RAB11FIP3: variants seen among roughly 807,000 people sequenced by gnomAD.
The protein encoded by RAB11FIP3 is RAB11 family interacting protein 3, also known as rab11 family-interacting protein 3.
A neutral mutation model predicts 77.8 loss-of-function variants in RAB11FIP3; 17 were observed. The observed-to-expected ratio is 0.22, with a 90% CI of 0.15 to 0.33. RAB11FIP3 has a LOEUF of 0.33. Among genes scored for constraint, RAB11FIP3 ranks in the 10% least tolerant of loss-of-function variants. The pLI, the probability that RAB11FIP3 is intolerant of heterozygous loss-of-function variation, is 1.00. For synonymous variants in RAB11FIP3, 437 were observed against 448.2 expected (o/e 0.98, Z 0.31); for missense variants, 1,005 against 1,011.2 (o/e 0.99, Z 0.08).
intron 1 of RAB11FIP3, among the ~76,000 whole-genome samples, chr16:445,433 T>G (rs2055298783): frequency 6.6e-6 from 1 of 150,538 alleles, no homozygotes; most frequent in African/African-American, 2.5e-5. Flanking sequence ...AGCAAGACTC[T>G]TGTCTCAAAA....
chr16:475,337 T>G (rs780927704), intron 3 of RAB11FIP3, among the ~76,000 whole-genome samples: 24 of 152,256 alleles, frequency 1.6e-4, no homozygotes, highest in Admixed American at 6.5e-5. Flanking sequence ...GAGTTCATCT[T>G]AACATTGGTA....
chr16:506,854 G>C lies in RAB11FIP3; in HGVS notation c.1499+1227G>C, dbSNP rs1478961856. 6.6e-6 allele frequency among the ~76,000 whole-genome samples: 1 copy of C among 152,236 alleles called. No homozygotes were observed. The highest frequency in any genetic ancestry group is 1.5e-5 in the Non-Finnish European group (1 of 68,046). ...CTGCTGCAGAGTGGAGAGGGGCCAG[G>C]CATGCTGGTGAAGGGGCTGGACTCC... On this transcript the variant is annotated intron_variant, in intron 8 of 13. Coordinates refer to ENST00000262305, the MANE Select transcript of RAB11FIP3 (RefSeq NM_014700.4). The surrounding 1 kb of genome is among the most constrained non-coding windows in gnomAD (Gnocchi z 4.5).
At chr16:477,579 G>A (rs1231351247) in intron 3 of RAB11FIP3, 5 of 981,320 alleles carry the variant, frequency 5.1e-6, no homozygotes, top group Non-Finnish European at 6.1e-6. Flanking sequence ...GCGTCCCGCA[G>A]GCCCAGCACA....
intron 4 of RAB11FIP3, among the ~76,000 whole-genome samples, chr16:486,320 C>T (rs942162594): frequency 1.7e-4 from 26 of 152,200 alleles, no homozygotes; most frequent in African/African-American, 6.0e-4. Flanking sequence ...GGTAAAACCC[C>T]GTCTCTACTA....
At chr16:493,725 G>C (rs907575402) in intron 5 of RAB11FIP3, among the ~76,000 whole-genome samples, 2 of 150,800 alleles carry the variant, frequency 1.3e-5, no homozygotes, top group Non-Finnish European at 2.9e-5. Context: ...TCCTGCCTCA[G>C]CCTCCCGAGT....
At chr16:462,285 G>A (rs1175693269) in intron 2 of RAB11FIP3, among the ~76,000 whole-genome samples, 1 of 152,098 alleles carries the variant, frequency 6.6e-6, no homozygotes, top group Non-Finnish European at 1.5e-5. Flanking sequence ...GCAATGGCCC[G>A]ATCTCGGCTT....
chr16:502,252 G>A lies in RAB11FIP3; in HGVS notation c.1302-752G>A, dbSNP rs114651395. On this transcript the variant is annotated intron_variant, in intron 6 of 13. Transcript: ENST00000262305. ...GTGACCACAAGCACGCGCTTACTGCGCGCCTAAGTTCACACTCCCTGGAGA... is the reference window on the plus strand; with the variant it reads ...GTGACCACAAGCACGCGCTTACTGCACGCCTAAGTTCACACTCCCTGGAGA... Among the ~76,000 whole-genome samples the A allele has an allele frequency of 4.8e-3, 736 of 152,378 alleles. 7 individuals carry two copies. The highest frequency in any genetic ancestry group is 0.017 in the African/African-American group (687 of 41,594).
At chr16:485,420 G>GTT (rs35138712) in intron 4 of RAB11FIP3, among the ~76,000 whole-genome samples, 5 of 151,896 alleles carry the variant, frequency 3.3e-5, no homozygotes, top group Non-Finnish European at 7.4e-5. Flanking sequence ...TTTTGTTTCT[G>GTT]TTTTTTTGTC....
At chr16:449,162 C>T (rs982549100) in intron 1 of RAB11FIP3, among the ~76,000 whole-genome samples, 5 of 152,080 alleles carry the variant, frequency 3.3e-5, no homozygotes, top group South Asian at 2.1e-4. Context: ...TCACTCTGCT[C>T]CTGACACTCC....
chr16:510,093 C>T (rs1473116665), intron 8 of RAB11FIP3, among the ~76,000 whole-genome samples: 2 of 144,428 alleles, frequency 1.4e-5, no homozygotes, highest in African/African-American at 5.3e-5. Context: ...GGCACCTCCA[C>T]GCCCCGTCCC....
At chr16:433,070 C>G (rs1292644100) in intron 1 of RAB11FIP3, among the ~76,000 whole-genome samples, 3 of 82,518 alleles carry the variant, frequency 3.6e-5, no homozygotes, top group African/African-American at 1.5e-4. Flanking sequence ...GTCTCTGTCT[C>G]TTGCCCAGGC....
chr16:474,447 G>T (rs2055863734), intron 3 of RAB11FIP3, among the ~76,000 whole-genome samples: 1 of 152,136 alleles, frequency 6.6e-6, no homozygotes, highest in African/African-American at 2.4e-5. Context: ...CTGAGTAAGT[G>T]GGGAGAGTAG....
Position 472,516 on chromosome 16 carries a change from C to T in RAB11FIP3, c.903+1127C>T, listed in dbSNP as rs1361948200. On this transcript the variant is annotated intron_variant, in intron 3 of 13. Transcript: ENST00000262305. This position sits in a 1 kb window ranked among gnomAD's most constrained non-coding sequence, Gnocchi z 4.1. ...AACGTGCTGGGAGACCCCAGGACTA[C>T]AGACGGTGGCTCCTGTGCCCTGAGA... 2.0e-5 allele frequency among the ~76,000 whole-genome samples: 3 copies of T among 152,208 alleles called. No individual in the cohort carries two copies. The highest frequency in any genetic ancestry group is 4.4e-5 in the Non-Finnish European group (3 of 68,032).
chr16:520,914 C>T lies in RAB11FIP3; in HGVS notation c.*75C>T. On this transcript the variant is annotated 3_prime_UTR_variant, in exon 14 of 14. Coordinates refer to ENST00000262305, the MANE Select transcript of RAB11FIP3 (RefSeq NM_014700.4). ...GTGGTTCCGTCAGACCATGAGGAGC[C>T]AAGACCAGCAGGTCCCACAGCCGAC... 1 of 1,222,132 alleles carries T rather than the reference C, an allele frequency of 8.2e-7. No homozygotes were observed. Among genetic ancestry groups the T allele is most frequent in the Non-Finnish European group, 1.2e-6 (1 of 828,618 alleles). The allele number at this position is 1,222,132 out of a possible 1,614,324, so 75.7% of individuals were successfully genotyped here. A position where few individuals can be genotyped will look rare whatever the true frequency, so the allele number is the denominator to read the frequency against.
intron 2 of RAB11FIP3, among the ~76,000 whole-genome samples, chr16:468,138 C>G (rs148189541): frequency 0.31 from 1,148 of 3,732 alleles, 1 homozygote; most frequent in Admixed American, 0.33. Context: ...GTGCAGGGGC[C>G]TCAGGGAGGA....
chr16:477,139 T>A (rs2055930132), intron 3 of RAB11FIP3, among the ~76,000 whole-genome samples: 1 of 148,490 alleles, frequency 6.7e-6, no homozygotes, highest in African/African-American at 2.5e-5. Context: ...CTGTAATCCC[T>A]GCTACTTGGG....
intron 5 of RAB11FIP3, among the ~76,000 whole-genome samples, chr16:492,540 A>AGGGCCCTTCCCGGGAGACCC (rs2030655052): frequency 2.2e-5 from 3 of 137,798 alleles, no homozygotes; most frequent in Admixed American, 7.1e-5. Flanking sequence ...GAGGCCGTCC[A>AGGGCCCTTCCCGGGAGACCC]GAATCTTGGA....
Position 492,359 on chromosome 16 carries a change from G to GCCC in RAB11FIP3, c.1265+3359_1265+3360insCCC, listed in dbSNP as rs199613861. ...AAAGCAGAAGTGCTCTTTGAAGAGG[G>GCCC]TCTTCCCGGGAGACCCGAGGCCGCC... On this transcript the variant is annotated intron_variant, in intron 5 of 13. Transcript: ENST00000262305. Among the ~76,000 whole-genome samples, 349 of 41,832 alleles carry GCCC rather than the reference G, an allele frequency of 8.3e-3. 30 individuals carry two copies. Among genetic ancestry groups the GCCC allele is most frequent in the Middle Eastern group, 0.023 (2 of 86 alleles). 27.4% of individuals were successfully genotyped at this position (41,832 alleles called of 152,430 possible).
chr16:428,920 G>T (rs1289319618), intron 1 of RAB11FIP3, among the ~76,000 whole-genome samples: 1 of 152,110 alleles, frequency 6.6e-6, no homozygotes, highest in African/African-American at 2.4e-5. Flanking sequence ...AAATTCGAAG[G>T]TTGGGGGCAA....
Sources: allele counts gnomAD v4.1 joint callset (sites outside exome capture counted in the v4.1 genomes callset), GRCh38; gene constraint gnomAD v4.1.1; non-coding constraint Gnocchi (gnomAD v3.1); transcripts MANE v1.5; gene names NCBI Gene and HGNC (gene_info 2026-07-23, HGNC 2026-07-21).